ADPGK: variants seen among roughly 807,000 people sequenced by gnomAD.
The protein encoded by ADPGK is ADP-dependent glucokinase.
ADPGK carries 26 observed loss-of-function variants against 42.4 expected under a neutral mutation model. The observed-to-expected ratio is 0.61, with a 90% CI of 0.45 to 0.85. The LOEUF (loss-of-function observed/expected upper bound fraction) is 0.85, where lower values mean the gene tolerates loss of function less well. Ranked by LOEUF, ADPGK falls within the 40% of genes least tolerant of loss-of-function variation. The probability of loss-of-function intolerance (pLI) is 0.00; values close to 1 mark genes in which losing one functional copy is unlikely to be tolerated. For missense variants in ADPGK, 571 were observed against 627.0 expected, an observed-to-expected ratio of 0.91 and a Z score of 0.95; for synonymous variants, 267 against 252.6, an observed-to-expected ratio of 1.06 and a Z score of -0.54.
rs779289169 is a variant in ADPGK at position 72,783,644 on chromosome 15, G to A, written c.48C>T (p.Ala16=). The A allele has an allele frequency of 2.0e-6, 3 of 1,510,758 alleles. No homozygotes were observed. Among genetic ancestry groups the A allele is most frequent in the South Asian group, 2.5e-5 (2 of 81,226 alleles). 93.6% of individuals were successfully genotyped at this position (1,510,758 alleles called of 1,614,324 possible). Residue 16 remains alanine (A), a synonymous_variant, in exon 1 of 7, where the codon GCC becomes GCT. Coordinates refer to ENST00000456471, the MANE Select transcript of ADPGK (RefSeq NM_001365225.1). The part of the protein sequence containing the change: ...GSAYAGFLAL[A]VGCVFLLEPE... ...GCTCCAGCAGGAAGACGCAGCCCAC[G>A]GCCAGCGCCAGGAAGCCCGCGTACG...
chr15:72,760,530 G>A lies in ADPGK; in HGVS notation c.523-3C>T, dbSNP rs2066179296. 2 of 1,596,632 alleles carry A rather than the reference G, an allele frequency of 1.3e-6. No homozygotes were observed. Among genetic ancestry groups the A allele is most frequent in the East Asian group, 2.3e-5 (1 of 44,316 alleles). Reference sequence around the variant, plus strand: ...CCAACTGGACCGCAAAGAAGAACCTGGAGGCAAGCAACACGAAGTCCATCA... The same window carrying A: ...CCAACTGGACCGCAAAGAAGAACCTAGAGGCAAGCAACACGAAGTCCATCA... On this transcript the variant is annotated splice_region_variant and splice_polypyrimidine_tract_variant and intron_variant, in intron 3 of 6. Transcript: ENST00000456471.
At chr15:72,759,725 G>A (rs1395890526) in intron 4 of ADPGK, among the ~76,000 whole-genome samples, 1 of 152,144 alleles carries the variant, frequency 6.6e-6, no homozygotes, top group Non-Finnish European at 1.5e-5. Context: ...TCTGAGTTCT[G>A]AGCAGAGGGA....
intron 3 of ADPGK, 52 bp from the exon 4 acceptor site, chr15:72,760,579 G>T: frequency 3.8e-6 from 6 of 1,564,934 alleles, no homozygotes; most frequent in Non-Finnish European, 5.2e-6. Context: ...TTTCCCCACA[G>T]AACCTCAACA....
At position 72,751,995 on chromosome 15, in the gene ADPGK, G is replaced by A. The variant is rs2066051367; in HGVS notation, c.*346C>T. On this transcript the variant is annotated 3_prime_UTR_variant, in exon 7 of 7. Coordinates refer to ENST00000456471, the MANE Select transcript of ADPGK (RefSeq NM_001365225.1). ...AGACCAGGATGTTGGGTGAGTGGGC[G>A]TGCACTTCTCAAGTGGGCAAGGAAG... The A allele has an allele frequency of 1.2e-5, 3 of 247,314 alleles. No individual in the cohort carries two copies. Among genetic ancestry groups the A allele is most frequent in the Admixed American group, 5.0e-5 (1 of 19,930 alleles). 15.3% of individuals were successfully genotyped at this position (247,314 alleles called of 1,614,324 possible). A position where few individuals can be genotyped will look rare whatever the true frequency, so the allele number is the denominator to read the frequency against.
chr15:72,761,787 C>A (rs576140594), intron 3 of ADPGK, among the ~76,000 whole-genome samples: 4 of 151,960 alleles, frequency 2.6e-5, no homozygotes, highest in Non-Finnish European at 4.4e-5. Context: ...CAGCCTTGAC[C>A]TCCCAGGCTC....
rs1475156886 is a variant in ADPGK at position 72,751,473 on chromosome 15, C to G, written c.*868G>C. ...CAAATTTACTGATGATCCTGGAGCT[C>G]TGAGGTCAAACTCTTTAAATGATCA... On this transcript the variant is annotated 3_prime_UTR_variant, in exon 7 of 7. Transcript: ENST00000456471. The G allele has an allele frequency of 6.6e-6, 1 of 152,608 alleles. No individual in the cohort carries two copies. The highest frequency in any genetic ancestry group is 1.5e-5 in the Non-Finnish European group (1 of 68,030). The allele number at this position is 152,608 out of a possible 1,614,324, so 9.5% of individuals were successfully genotyped here.
chr15:72,768,526 G>C (rs985732764), intron 3 of ADPGK, among the ~76,000 whole-genome samples: 1 of 152,062 alleles, frequency 6.6e-6, no homozygotes, highest in African/African-American at 2.4e-5. Context: ...AAATTAGCTG[G>C]GCATGGTGGC....
chr15:72,766,371 G>A (rs1037673049), intron 3 of ADPGK, among the ~76,000 whole-genome samples: 6 of 152,144 alleles, frequency 3.9e-5, no homozygotes, highest in African/African-American at 1.4e-4. Context: ...GTTAACTGAT[G>A]TGGCAAACTT....
rs1337372480 is a variant in ADPGK at position 72,756,305 on chromosome 15, T to A, written c.786A>T (p.Gly262=). ...EFQPDLVVLS[G]LHMMEGQSKE... is the part of the protein sequence containing the mutation. ...TGCTTTGTCCCTCCATCATGTGCAATCCAGAGAGGACCACCAGGTCTGGCT... is the reference window on the plus strand; with the variant it reads ...TGCTTTGTCCCTCCATCATGTGCAAACCAGAGAGGACCACCAGGTCTGGCT... The change falls in exon 5 of 7, where the codon GGA becomes GGT. Residue 262 remains glycine, a synonymous_variant. Coordinates refer to ENST00000456471, the MANE Select transcript of ADPGK (RefSeq NM_001365225.1). The A allele has an allele frequency of 6.2e-7, 1 of 1,614,128 alleles. No homozygotes were observed.
At chr15:72,766,891 C>T (rs1485788810) in intron 3 of ADPGK, among the ~76,000 whole-genome samples, 1 of 152,016 alleles carries the variant, frequency 6.6e-6, no homozygotes, top group Non-Finnish European at 1.5e-5. Context: ...AGAGATGGGG[C>T]AAACAGCAAA....
Position 72,783,457 on chromosome 15 carries a change from A to G in ADPGK, c.233+2T>C. 7.3e-7 allele frequency: 1 copy of G among 1,369,612 alleles called. No individual in the cohort carries two copies. Among genetic ancestry groups the G allele is most frequent in the Non-Finnish European group, 9.4e-7 (1 of 1,067,642 alleles). The allele number at this position is 1,369,612 out of a possible 1,614,324, so 84.8% of individuals were successfully genotyped here. A position where few individuals can be genotyped will look rare whatever the true frequency, so the allele number is the denominator to read the frequency against. ...AGAGACCCAGGCCCCGTTGGCACTC[A>G]CCCCACTGCCACGCGGCGCCAGCGC... On this transcript the variant is annotated splice_donor_variant, in intron 1 of 6. Coordinates refer to ENST00000456471, the MANE Select transcript of ADPGK (RefSeq NM_001365225.1). LOFTEE classifies it high-confidence loss of function.
At chr15:72,757,440 C>T (rs1018355433) in intron 4 of ADPGK, 1 of 152,398 alleles carries the variant, frequency 6.6e-6, no homozygotes, top group Non-Finnish European at 1.5e-5. Context: ...CTCCTGACCT[C>T]AGGTGATCTG....
chr15:72,752,844 A>C lies in ADPGK; in HGVS notation c.991T>G (p.Phe331Val). 6.2e-7 allele frequency: 1 copy of C among 1,614,214 alleles called. No individual in the cohort carries two copies. Among genetic ancestry groups the C allele is most frequent in the Non-Finnish European group, 8.5e-7 (1 of 1,180,028 alleles). The change falls in exon 7 of 7, where the codon TTT becomes GTT. Residue 331 changes from phenylalanine (F) to valine (V), a missense_variant. By Grantham distance (50) the Phe-to-Val change is conservative. Transcript: ENST00000456471. ...SLGLNEQELL[F>V]LTQSASGPHS... is the part of the protein sequence containing the mutation. ...GGTCCAGAGGCTGACTGGGTGAGAAATAACAGCTCCTGTTCATTCAGCCCA... is the reference window on the plus strand; with the variant it reads ...GGTCCAGAGGCTGACTGGGTGAGAACTAACAGCTCCTGTTCATTCAGCCCA...
At chr15:72,758,273 CAA>C in intron 4 of ADPGK, 2 of 775,350 alleles carry the variant, frequency 2.6e-6, no homozygotes, top group Admixed American at 3.8e-5. Flanking sequence ...TCTTTCCTCA[CAA>C]AGTGTTGTAT....
intron 4 of ADPGK, 103 bp from the exon 5 acceptor site, chr15:72,756,550 C>T (rs375239436): frequency 7.7e-7 from 1 of 1,301,752 alleles, no homozygotes. Context: ...TGGCTCCAAG[C>T]AGGCTGGTTT....
Position 72,770,802 on chromosome 15 carries a change from T to A in ADPGK, c.522+981A>T, listed in dbSNP as rs533152577. On this transcript the variant is annotated intron_variant, in intron 3 of 6. Coordinates refer to ENST00000456471, the MANE Select transcript of ADPGK (RefSeq NM_001365225.1). Reference sequence around the variant, plus strand: ...AGCACATCTATCTCCAGGTGTATAGTGTGGCTCCATATGAATTTTTCCCTG... The same window carrying A: ...AGCACATCTATCTCCAGGTGTATAGAGTGGCTCCATATGAATTTTTCCCTG... Among the ~76,000 whole-genome samples, 14 of 152,326 alleles carry A rather than the reference T, an allele frequency of 9.2e-5. No individual in the cohort carries two copies. The East Asian group carries it at 2.7e-3, about 29-fold the overall frequency.
At chr15:72,757,921 CTCT>C (rs1370027904) in intron 4 of ADPGK, 4 of 662,628 alleles carry the variant, frequency 6.0e-6, no homozygotes, top group Non-Finnish European at 5.1e-6. Context: ...AATAAACAGG[CTCT>C]TCTGCAAGGC....
intron 1 of ADPGK, among the ~76,000 whole-genome samples, chr15:72,775,436 GC>G (rs2066380061): frequency 6.6e-6 from 1 of 152,190 alleles, no homozygotes; most frequent in Non-Finnish European, 1.5e-5. Flanking sequence ...CAGGATTCAT[GC>G]TGGCCGTGTG....
Position 72,756,314 on chromosome 15 carries a change from G to A in ADPGK, c.777C>T (p.Val259=). ...SLEEFQPDLV[V]LSGLHMMEGQ... The stretch of plus-strand genomic sequence containing the variant: ...CCTCCATCATGTGCAATCCAGAGAG[G>A]ACCACCAGGTCTGGCTGAAACTCCT... The change falls in exon 5 of 7, where the codon GTC becomes GTT. Residue 259 remains valine, a synonymous_variant. Coordinates refer to ENST00000456471, the MANE Select transcript of ADPGK (RefSeq NM_001365225.1). 6 of 1,614,176 alleles carry A rather than the reference G, an allele frequency of 3.7e-6. No individual in the cohort carries two copies. Among genetic ancestry groups the A allele is most frequent in the Non-Finnish European group, 5.1e-6 (6 of 1,180,030 alleles).
Sources: gnomAD v4.1 joint callset for allele counts (sites outside exome capture counted in the v4.1 genomes callset) on GRCh38, gnomAD v4.1.1 for gene constraint, MANE v1.5 for transcripts, NCBI Gene and HGNC (gene_info 2026-07-23, HGNC 2026-07-21) for gene names.